Variants in PI15 observed in about 807,000 individuals in gnomAD.
The protein encoded by PI15 is 25 kDa trypsin inhibitor.
Under a neutral mutation model 31.0 loss-of-function variants are expected in PI15, and 18 were observed. That is an observed-to-expected ratio of 0.58 (90% CI 0.40 to 0.86). The LOEUF (loss-of-function observed/expected upper bound fraction) is 0.86, where lower values mean the gene tolerates loss of function less well. Ranked by LOEUF, PI15 falls within the 40% of genes least tolerant of loss-of-function variation. The probability of loss-of-function intolerance (pLI) is 0.00; values close to 1 mark genes in which losing one functional copy is unlikely to be tolerated. For missense variants in PI15, 282 were observed against 328.1 expected, an observed-to-expected ratio of 0.86 and a Z score of 1.09; for synonymous variants, 118 against 119.1, an observed-to-expected ratio of 0.99 and a Z score of 0.06.
chr8:74,844,514 T>C (rs1810995294), intron 3 of PI15, among the ~76,000 whole-genome samples: 1 of 150,448 alleles, frequency 6.6e-6, no homozygotes, highest in African/African-American at 2.4e-5. Context: ...ATACCCGCAT[T>C]TACATAAACA....
intron 5 of PI15, among the ~76,000 whole-genome samples, chr8:74,848,732 T>TATATATATATAGAGAGAG (rs1191072583): frequency 5.9e-4 from 81 of 136,340 alleles, no homozygotes; most frequent in African/African-American, 2.0e-3. Context: ...TATATATATA[T>TATATATATATAGAGAGAG]AGAGAGAGAG....
In PI15 at chr8:74,835,194, AT is replaced by A. The variant is rs566098742; in HGVS notation, c.274-8779del. ...CCATCCCTTCAAATCTTACTTTAGA[AT>A]TTTTTTTATCTTTTTAAAAATTTTG... On this transcript the variant is annotated intron_variant, in intron 2 of 5. Transcript: ENST00000260113. 2.1e-3 allele frequency among the ~76,000 whole-genome samples: 316 copies of A among 152,082 alleles called. 3 individuals are homozygous for A. The highest frequency in any genetic ancestry group is 6.7e-3 in the African/African-American group (278 of 41,502).
At chr8:74,847,355 T>A (rs1240363655) in intron 5 of PI15, among the ~76,000 whole-genome samples, 2 of 151,366 alleles carry the variant, frequency 1.3e-5, no homozygotes, top group Non-Finnish European at 2.9e-5. Flanking sequence ...TGAGGCAAGA[T>A]AATCGCTTGA....
At chr8:74,825,925 T>G (rs894879839) in intron 2 of PI15, among the ~76,000 whole-genome samples, 1 of 152,170 alleles carries the variant, frequency 6.6e-6, no homozygotes, top group African/African-American at 2.4e-5. Flanking sequence ...AGCTATATCA[T>G]TTCTTGAAAA....
chr8:74,848,732 T>TATATATAGAGAGAGAGAG (rs1191072583), intron 5 of PI15, among the ~76,000 whole-genome samples: 34 of 136,356 alleles, frequency 2.5e-4, no homozygotes, highest in African/African-American at 9.1e-4. Flanking sequence ...TATATATATA[T>TATATATAGAGAGAGAGAG]AGAGAGAGAG....
rs1308840849 is a variant in PI15 at position 74,850,779 on chromosome 8, C to T, written c.*1526C>T. 1 of 152,156 alleles carries T rather than the reference C, an allele frequency of 6.6e-6. No homozygotes were observed. Among genetic ancestry groups the T allele is most frequent in the Non-Finnish European group, 1.5e-5 (1 of 68,006 alleles). The allele number at this position is 152,156 out of a possible 1,614,324, so 9.4% of individuals were successfully genotyped here. On this transcript the variant is annotated 3_prime_UTR_variant, in exon 6 of 6. Transcript: ENST00000260113. ...GCAACATTTTCCTATCATGAAATCT[C>T]TTTCAGAGAGGAGAATACAACATCT...
chr8:74,840,365 A>G (rs975451938), intron 2 of PI15, among the ~76,000 whole-genome samples: 3 of 152,106 alleles, frequency 2.0e-5, no homozygotes, highest in Non-Finnish European at 4.4e-5. Context: ...CCATTAATCA[A>G]CTTCTCTTCA....
At chr8:74,839,694 C>T (rs1304513049) in intron 2 of PI15, among the ~76,000 whole-genome samples, 2 of 152,078 alleles carry the variant, frequency 1.3e-5, no homozygotes, top group Non-Finnish European at 2.9e-5. Context: ...TTAATAAGAG[C>T]TCCGTATATA....
Position 74,845,471 on chromosome 8 carries a change from T to A in PI15, c.615T>A (p.Val205=). 6.2e-7 allele frequency: 1 copy of A among 1,612,558 alleles called. No individual in the cohort carries two copies. The highest frequency in any genetic ancestry group is 8.5e-7 in the Non-Finnish European group (1 of 1,178,574). Residue 205 remains valine, a synonymous_variant, in exon 5 of 6, where the codon GTT becomes GTA. Coordinates refer to ENST00000260113, the MANE Select transcript of PI15 (RefSeq NM_015886.5). The part of the protein sequence containing the change: ...NVWGSVWRRA[V]YLVCNYAPKG... ...GGGGATCTGTGTGGCGACGTGCAGT[T>A]TACTTGGTATGCAACTATGCCCCAA...
At chr8:74,829,509 C>T (rs1016883857) in intron 2 of PI15, among the ~76,000 whole-genome samples, 18 of 152,142 alleles carry the variant, frequency 1.2e-4, no homozygotes, top group Non-Finnish European at 2.6e-4. Flanking sequence ...TTGCAAGACC[C>T]ACACATAGAG....
chr8:74,838,089 T>G (rs1810895394), intron 2 of PI15, among the ~76,000 whole-genome samples: 1 of 152,152 alleles, frequency 6.6e-6, no homozygotes, highest in Non-Finnish European at 1.5e-5. Flanking sequence ...TTAATAGATT[T>G]GATTTTCTTG....
In PI15 at chr8:74,850,412, TAG is replaced by T. The variant is rs1491506595; in HGVS notation, c.*1162_*1163del. On this transcript the variant is annotated 3_prime_UTR_variant, in exon 6 of 6. Transcript: ENST00000260113. ...GGAGAGCTTCAGAATGGGCTATCCT[TAG>T]AGTCTAGTACATCTTGAGGCCTCTC... 3.3e-5 allele frequency: 5 copies of T among 152,214 alleles called. No individual in the cohort carries two copies. Among genetic ancestry groups the T allele is most frequent in the African/African-American group, 9.6e-5 (4 of 41,460 alleles). The allele number at this position is 152,214 out of a possible 1,614,324, so 9.4% of individuals were successfully genotyped here.
intron 2 of PI15, among the ~76,000 whole-genome samples, chr8:74,836,170 T>A (rs1049556102): frequency 1.3e-5 from 2 of 152,204 alleles, no homozygotes; most frequent in Non-Finnish European, 2.9e-5. Context: ...AGTAAATATG[T>A]TCAGCTTTGC....
intron 2 of PI15, among the ~76,000 whole-genome samples, chr8:74,835,607 C>A (rs1417059252): frequency 1.3e-5 from 2 of 152,142 alleles, no homozygotes; most frequent in Non-Finnish European, 2.9e-5. Flanking sequence ...CTTGACTATT[C>A]ATTCAGCACC....
chr8:74,831,138 T>C (rs1810776300), intron 2 of PI15, among the ~76,000 whole-genome samples: 1 of 152,176 alleles, frequency 6.6e-6, no homozygotes, highest in Non-Finnish European at 1.5e-5. Context: ...TAAGAACATT[T>C]TGTTTGTCAC....
chr8:74,849,537 G>T lies in PI15; in HGVS notation c.*284G>T. ...CCAATCCTAAAACTTACATTCCAAAGGAATTATATCATTATGTTCCTAAGG... is the reference window on the plus strand; with the variant it reads ...CCAATCCTAAAACTTACATTCCAAATGAATTATATCATTATGTTCCTAAGG... On this transcript the variant is annotated 3_prime_UTR_variant, in exon 6 of 6. Transcript: ENST00000260113. 3.7e-6 allele frequency: 1 copy of T among 271,786 alleles called. No homozygotes were observed. The highest frequency in any genetic ancestry group is 5.0e-5 in the Admixed American group (1 of 19,836). 16.8% of individuals were successfully genotyped at this position (271,786 alleles called of 1,614,324 possible). A position where few individuals can be genotyped will look rare whatever the true frequency, so the allele number is the denominator to read the frequency against.
intron 2 of PI15, among the ~76,000 whole-genome samples, chr8:74,842,093 G>A (rs1015239846): frequency 9.9e-5 from 15 of 151,670 alleles, no homozygotes; most frequent in African/African-American, 3.4e-4. Context: ...ATAAATCTAT[G>A]CAATCCATTA....
rs1811132590 is a variant in PI15 at position 74,853,283 on chromosome 8, G to C, written c.*4030G>C. On this transcript the variant is annotated 3_prime_UTR_variant, in exon 6 of 6. Coordinates refer to ENST00000260113, the MANE Select transcript of PI15 (RefSeq NM_015886.5). ...CTAAATGTATGGTGCTAAATGAATT[G>C]TTAGTGTTGATGGCTTTAGTAATGC... 1 of 152,502 alleles carries C rather than the reference G, an allele frequency of 6.6e-6. No homozygotes were observed. The highest frequency in any genetic ancestry group is 1.5e-5 in the Non-Finnish European group (1 of 67,946). The allele number at this position is 152,502 out of a possible 1,614,324, so 9.4% of individuals were successfully genotyped here.
chr8:74,845,530 C>T (rs1811014177), intron 5 of PI15, 33 bp downstream of exon 5: 2 of 1,335,264 alleles, frequency 1.5e-6, no homozygotes, highest in Non-Finnish European at 2.2e-6. Context: ...TTTCCTGGAT[C>T]CTTTAAAGAC....
Sources: allele counts gnomAD v4.1 joint callset (sites outside exome capture counted in the v4.1 genomes callset), GRCh38; gene constraint gnomAD v4.1.1; transcripts MANE v1.5; gene names NCBI Gene and HGNC (gene_info 2026-07-23, HGNC 2026-07-21).